Variants in PCNX3 observed in about 807,000 individuals in gnomAD.
PCNX3 encodes pecanex 3, also known as pecanex-like protein 3.
In PCNX3, 58 loss-of-function variants were observed where a neutral mutation model predicts 207.2. The ratio of observed to expected loss-of-function variants is 0.28; its 90% CI spans 0.23 to 0.35. The LOEUF is 0.35. Among genes scored for constraint, PCNX3 ranks in the 10% least tolerant of loss-of-function variants. The pLI is 1.00. For missense variants in PCNX3, 2,410 were observed against 2,774.4 expected, an observed-to-expected ratio of 0.87 and a Z score of 2.95; for synonymous variants, 1,337 against 1,183.5, an observed-to-expected ratio of 1.13 and a Z score of -2.66.
At chr11:65,631,977 T>C (rs2135472961) in intron 27 of PCNX3, among the ~76,000 whole-genome samples, 1 of 152,246 alleles carries the variant, frequency 6.6e-6, no homozygotes. Context: ...CCACCCCCCT[T>C]TCATCAAGAA....
chr11:65,631,194 C>G (rs1855603813), intron 27 of PCNX3, among the ~76,000 whole-genome samples: 1 of 152,224 alleles, frequency 6.6e-6, no homozygotes, highest in South Asian at 2.1e-4. Flanking sequence ...TGAGCCAGGC[C>G]TGAGGATCTT....
At position 65,618,147 on chromosome 11, in the gene PCNX3, C is replaced by T; in HGVS notation, c.785C>T (p.Ala262Val). The change falls in exon 6 of 35, where the codon GCC becomes GTC. Residue 262 changes from alanine to valine, a missense_variant. Ala to Val is a moderately conservative substitution (Grantham distance 64). Coordinates refer to ENST00000355703, the MANE Select transcript of PCNX3 (RefSeq NM_032223.4). Reference protein sequence around the residue: ...SFLTLTQPDRALVRTSSRREQ... With the variant: ...SFLTLTQPDRVLVRTSSRREQ... ...CTGACCCTGACCCAGCCTGACCGGG[C>T]CCTGGTGAGGACCAGCAGTCGACGG... The T allele has an allele frequency of 6.2e-7, 1 of 1,609,846 alleles. No homozygotes were observed. The highest frequency in any genetic ancestry group is 8.5e-7 in the Non-Finnish European group (1 of 1,177,884).
In PCNX3 at chr11:65,625,313, G is replaced by T. The variant is rs775831772; in HGVS notation, c.3029+33G>T. Reference sequence around the variant, plus strand: ...TGCTCCGGGTCGTGTGTTTGTGTCTGCCCAGTAGGGGTTTGTGGTCTGTGC... The same window carrying T: ...TGCTCCGGGTCGTGTGTTTGTGTCTTCCCAGTAGGGGTTTGTGGTCTGTGC... On this transcript the variant is annotated intron_variant, in intron 17 of 34. Transcript: ENST00000355703. The surrounding 1 kb of genome is among the most constrained non-coding windows in gnomAD (Gnocchi z 5.6). 1.9e-6 allele frequency: 3 copies of T among 1,595,068 alleles called. No individual in the cohort carries two copies. Among genetic ancestry groups the T allele is most frequent in the East Asian group, 4.5e-5 (2 of 44,750 alleles).
chr11:65,623,580 T>G lies in PCNX3; in HGVS notation c.2447T>G (p.Phe816Cys). ...LGYLLLLKGF[F>C]TDIWVFQFCL... The stretch of plus-strand genomic sequence containing the variant: ...TACCTGCTGCTGCTCAAGGGCTTCT[T>G]CACTGACATCTGGGTCTTCCAGTTC... Residue 816 changes from phenylalanine to cysteine, a missense_variant, in exon 12 of 35, where the codon TTC becomes TGC. Phe to Cys is a radical substitution (Grantham distance 205). Around this residue, in one of 8 missense-constraint regions of PCNX3, gnomAD observed 177 missense variants for 257.5 expected, o/e 0.69. Coordinates refer to ENST00000355703, the MANE Select transcript of PCNX3 (RefSeq NM_032223.4). 6.2e-7 allele frequency: 1 copy of G among 1,614,026 alleles called. No homozygotes were observed. The highest frequency in any genetic ancestry group is 8.5e-7 in the Non-Finnish European group (1 of 1,179,876).
chr11:65,632,709 C>T (rs1448276474), intron 27 of PCNX3, among the ~76,000 whole-genome samples: 1 of 148,448 alleles, frequency 6.7e-6, no homozygotes, highest in African/African-American at 2.5e-5. Context: ...CTGATATGTG[C>T]CAGGCCAGCT....
Position 65,624,383 on chromosome 11 carries a change from G to A in PCNX3, c.2716+17G>A. 2 of 1,552,414 alleles carry A rather than the reference G, an allele frequency of 1.3e-6. No homozygotes were observed. Among genetic ancestry groups the A allele is most frequent in the Non-Finnish European group, 8.7e-7 (1 of 1,147,430 alleles). On this transcript the variant is annotated intron_variant, in intron 14 of 34. Coordinates refer to ENST00000355703, the MANE Select transcript of PCNX3 (RefSeq NM_032223.4). ...TGGCCACTGGTGAGGCTGGGGCAGG[G>A]ATGAGGTGGCCCAGGAGAGTGAGTC...
intron 11 of PCNX3, 128 bp from the exon 12 acceptor site, chr11:65,623,363 T>A: frequency 7.9e-7 from 1 of 1,267,614 alleles, no homozygotes; most frequent in Non-Finnish European, 1.1e-6. Flanking sequence ...TGTTCACATC[T>A]TCAGAGGACA....
chr11:65,617,127 T>A, intron 2 of PCNX3, 116 bp downstream of exon 2: 1 of 1,376,344 alleles, frequency 7.3e-7, no homozygotes, highest in Non-Finnish European at 9.9e-7. Context: ...TGTGAACACT[T>A]GTCCTGTGTT....
At chr11:65,628,416 C>T (rs1855489452) in intron 22 of PCNX3, among the ~76,000 whole-genome samples, 179 bp from the exon 23 acceptor site, 1 of 152,208 alleles carries the variant, frequency 6.6e-6, no homozygotes, top group East Asian at 1.9e-4. Context: ...GCAGGGGTTG[C>T]TAATGGCATC....
intron 20 of PCNX3, chr11:65,626,412 C>G (rs1855393878): frequency 2.2e-6 from 1 of 447,140 alleles, no homozygotes; most frequent in Non-Finnish European, 4.2e-6. Context: ...CTTCACTGGG[C>G]TGCATAATGG....
In PCNX3 at chr11:65,627,567, C is replaced by T. The variant is rs1479541645; in HGVS notation, c.3687C>T (p.Ser1229=). The T allele has an allele frequency of 9.9e-6, 16 of 1,613,700 alleles. No homozygotes were observed. Among genetic ancestry groups the T allele is most frequent in the Non-Finnish European group, 1.4e-5 (16 of 1,179,860 alleles). The change falls in exon 22 of 35, where the codon TCC becomes TCT. Residue 1229 remains serine, a synonymous_variant. Transcript: ENST00000355703. The part of the protein sequence containing the change: ...QGFLLDYFLM[S]LLCSKLWDLL... ...TTCTGCTTGACTACTTCCTCATGTC[C>T]CTGCTTTGCAGCAAGGTGAGTTGGT...
rs1363160351 is a variant in PCNX3, at chr11:65,625,704, C to T, written c.3188C>T (p.Thr1063Ile). ...ATGTGTGTGGTGATCGCCGTGCTCA[C>T]CTTCGCCATCAGCGCCAGCACCGTC... ...LVMCVVIAVL[T>I]FAISASTVFI... The change falls in exon 19 of 35, where the codon ACC (threonine) becomes ATC (isoleucine). Residue 1063 changes from threonine to isoleucine, a missense_variant. Physicochemically the swap from Thr to Ile is moderately conservative, Grantham distance 89. Around this residue, in one of 8 missense-constraint regions of PCNX3, gnomAD observed 333 missense variants for 386.8 expected, o/e 0.86. Transcript: ENST00000355703. The surrounding 1 kb of genome is among the most constrained non-coding windows in gnomAD (Gnocchi z 5.6). 2.5e-6 allele frequency: 4 copies of T among 1,612,092 alleles called. No individual in the cohort carries two copies. The highest frequency in any genetic ancestry group is 3.4e-6 in the Non-Finnish European group (4 of 1,179,814).
chr11:65,619,143 A>G lies in PCNX3; in HGVS notation c.1705+76A>G, dbSNP rs1269834165. On this transcript the variant is annotated intron_variant, in intron 6 of 34. Coordinates refer to ENST00000355703, the MANE Select transcript of PCNX3 (RefSeq NM_032223.4). ...GGGGTTGGGCAAAGGGCAGGTAAGAATGGACCTGGTCAGTGTCAGCTCAGC... is the reference window on the plus strand; with the variant it reads ...GGGGTTGGGCAAAGGGCAGGTAAGAGTGGACCTGGTCAGTGTCAGCTCAGC... 7 of 1,201,842 alleles carry G rather than the reference A, an allele frequency of 5.8e-6. No homozygotes were observed. The African/African-American group carries it at 8.9e-5, about 15-fold the overall frequency. 74.4% of individuals were successfully genotyped at this position (1,201,842 alleles called of 1,614,324 possible).
In PCNX3 at chr11:65,625,572, G is replaced by T; in HGVS notation, c.3135+62G>T. 6.3e-7 allele frequency: 1 copy of T among 1,578,650 alleles called. No homozygotes were observed. ...GTGACAGGTCCTGGGGTTCCTGGGA[G>T]GGGCATGTCCAGCTTGGGCTGCTGG... On this transcript the variant is annotated intron_variant, in intron 18 of 34. Coordinates refer to ENST00000355703, the MANE Select transcript of PCNX3 (RefSeq NM_032223.4). The surrounding 1 kb of genome is among the most constrained non-coding windows in gnomAD (Gnocchi z 5.6).
In PCNX3 at chr11:65,628,714, T is replaced by C. The variant is rs1260263159; in HGVS notation, c.3811+11T>C. ...CGTTTGCCGTGCCACGTATCCAGCCTGTGTTTGGGTGGGGGTGTGCAGGGA... is the reference window on the plus strand; with the variant it reads ...CGTTTGCCGTGCCACGTATCCAGCCCGTGTTTGGGTGGGGGTGTGCAGGGA... On this transcript the variant is annotated intron_variant, in intron 23 of 34. Coordinates refer to ENST00000355703, the MANE Select transcript of PCNX3 (RefSeq NM_032223.4). 2.5e-6 allele frequency: 4 copies of C among 1,587,688 alleles called. No individual in the cohort carries two copies. The East Asian group carries it at 9.3e-5, about 37-fold the overall frequency.
rs762803480 is a variant in PCNX3 at position 65,616,438 on chromosome 11, C to G, written c.127C>G (p.Leu43Val). 2.5e-6 allele frequency: 4 copies of G among 1,609,132 alleles called. No individual in the cohort carries two copies. The Admixed American group carries it at 5.0e-5, about 20-fold the overall frequency. The change falls in exon 1 of 35, where the codon CTC becomes GTC. Residue 43 changes from leucine (L) to valine (V), a missense_variant. Coordinates refer to ENST00000355703, the MANE Select transcript of PCNX3 (RefSeq NM_032223.4). The part of the protein sequence containing the change: ...CFHLYVWIFL[L>V]IFPFLLYMVL... ...CCACCTCTATGTCTGGATCTTCCTGCTCATCTTTCCCTTCTTACTGTACAT... is the reference window on the plus strand; with the variant it reads ...CCACCTCTATGTCTGGATCTTCCTGGTCATCTTTCCCTTCTTACTGTACAT...
chr11:65,625,301 G>GT lies in PCNX3; in HGVS notation c.3029+22dup, dbSNP rs934030897. 12 of 1,599,664 alleles carry GT rather than the reference G, an allele frequency of 7.5e-6. No homozygotes were observed. In the African/African-American group the frequency reaches 1.5e-4, roughly 20 times the overall value. On this transcript the variant is annotated intron_variant, in intron 17 of 34. Transcript: ENST00000355703. The surrounding 1 kb of genome is among the most constrained non-coding windows in gnomAD (Gnocchi z 5.6). ...CTCTGGTGGGTGTGCTCCGGGTCGT[G>GT]TGTTTGTGTCTGCCCAGTAGGGGTT...
intron 15 of PCNX3, 142 bp from the exon 16 acceptor site, chr11:65,624,783 G>T: frequency 1.0e-6 from 1 of 966,444 alleles, no homozygotes; most frequent in Non-Finnish European, 1.5e-6. Flanking sequence ...AAGGCCGCTT[G>T]GGGCTTGGGG....
In PCNX3 at chr11:65,636,404, AC is replaced by A; in HGVS notation, c.5611del (p.Leu1871SerfsTer13). On this transcript the variant is annotated frameshift_variant, in exon 34 of 35. Coordinates refer to ENST00000355703, the MANE Select transcript of PCNX3 (RefSeq NM_032223.4). LOFTEE classifies it high-confidence loss of function. ...TGTCTCCTACAGGCAATGGTGACCA[AC>A]CCCTCCCACCAGGCCCTGGCTGGGG... ...PENTAGNGDQ[P>X]LPPGPGWGPR... is the part of the protein sequence containing the mutation. 6.4e-7 allele frequency: 1 copy of A among 1,555,892 alleles called. No homozygotes were observed. Among genetic ancestry groups the A allele is most frequent in the Non-Finnish European group, 8.7e-7 (1 of 1,151,338 alleles).
Sources: gnomAD v4.1 joint callset for allele counts (sites outside exome capture counted in the v4.1 genomes callset) on GRCh38, gnomAD v4.1.1 for gene constraint, gnomAD v4.1.1 regional missense constraint, Gnocchi (gnomAD v3.1) non-coding constraint, MANE v1.5 for transcripts, NCBI Gene and HGNC (gene_info 2026-07-23, HGNC 2026-07-21) for gene names.